F13A1: variants seen among roughly 807,000 people sequenced by gnomAD.
F13A1 encodes coagulation factor XIII A chain.
A neutral mutation model predicts 80.1 loss-of-function variants in F13A1; 47 were observed. That is an observed-to-expected ratio of 0.59 (90% CI 0.46 to 0.75). The LOEUF is 0.75. Ranked by LOEUF, F13A1 falls within the 30% of genes least tolerant of loss-of-function variation. F13A1 has a pLI of 0.00. For missense variants in F13A1, 817 were observed against 930.4 expected (o/e 0.88, Z 1.59); for synonymous variants, 349 against 344.9 (o/e 1.01, Z -0.13).
chr6:6,179,861 G>A (rs879444748), intron 11 of F13A1, among the ~76,000 whole-genome samples: 6 of 152,124 alleles, frequency 3.9e-5, no homozygotes, highest in Non-Finnish European at 8.8e-5. Context: ...ATGCAGTGCG[G>A]ACACATTTTG....
intron 3 of F13A1, among the ~76,000 whole-genome samples, chr6:6,282,300 A>G (rs1012818787): frequency 6.6e-6 from 1 of 152,190 alleles, no homozygotes; most frequent in African/African-American, 2.4e-5. Flanking sequence ...GTAACAGACT[A>G]TGAGGAAGTA....
At chr6:6,205,257 G>A (rs3778352) in intron 8 of F13A1, among the ~76,000 whole-genome samples, 143 of 152,342 alleles carry the variant, frequency 9.4e-4, no homozygotes, top group East Asian at 3.1e-3. Flanking sequence ...TGCAGATGGC[G>A]GGGTGCACTT....
At chr6:6,211,942 C>T (rs1270353032) in intron 8 of F13A1, among the ~76,000 whole-genome samples, 2 of 152,234 alleles carry the variant, frequency 1.3e-5, no homozygotes, top group South Asian at 2.1e-4. Context: ...AATCGGGTCA[C>T]TCCCACCCAA....
chr6:6,303,402 C>T (rs1758464045), intron 3 of F13A1, among the ~76,000 whole-genome samples: 1 of 152,092 alleles, frequency 6.6e-6, no homozygotes, highest in Non-Finnish European at 1.5e-5. Context: ...TAAAAATTGA[C>T]AATCATAATT....
At chr6:6,257,185 G>A (rs1561670330) in intron 4 of F13A1, among the ~76,000 whole-genome samples, 1 of 152,174 alleles carries the variant, frequency 6.6e-6, no homozygotes, top group Non-Finnish European at 1.5e-5. Flanking sequence ...GATCTGCAGA[G>A]CAAATGTGAC....
intron 4 of F13A1, among the ~76,000 whole-genome samples, chr6:6,263,508 CTTAA>C (rs2090462132): frequency 6.6e-6 from 1 of 152,142 alleles, no homozygotes; most frequent in African/African-American, 2.4e-5. Flanking sequence ...TGTCTCAACT[CTTAA>C]TTGTTAATGA....
chr6:6,241,039 T>C (rs974370987), intron 6 of F13A1, among the ~76,000 whole-genome samples: 5 of 152,206 alleles, frequency 3.3e-5, no homozygotes, highest in African/African-American at 9.6e-5. Flanking sequence ...TACTAATTGA[T>C]ATGCGTTACA....
At chr6:6,153,279 G>A (rs139299565) in intron 13 of F13A1, among the ~76,000 whole-genome samples, 18 of 152,312 alleles carry the variant, frequency 1.2e-4, no homozygotes, top group Non-Finnish European at 2.2e-4. Context: ...GACGTAAAGA[G>A]GAAGGACATT....
chr6:6,209,643 A>G (rs1007874075), intron 8 of F13A1, among the ~76,000 whole-genome samples: 8 of 152,264 alleles, frequency 5.3e-5, no homozygotes, highest in African/African-American at 1.9e-4. Context: ...GTTTATCCAC[A>G]CAATGAAATA....
At position 6,267,557 on chromosome 6, in the gene F13A1, G is replaced by A. The variant is rs555726807; in HGVS notation, c.320-748C>T. Among the ~76,000 whole-genome samples the A allele has an allele frequency of 5.0e-4, 76 of 152,220 alleles. No individual in the cohort carries two copies. The South Asian group carries it at 5.2e-3, about 10-fold the overall frequency. On this transcript the variant is annotated intron_variant, in intron 3 of 14. Coordinates refer to ENST00000264870, the MANE Select transcript of F13A1 (RefSeq NM_000129.4). ...TTTCTCTGGAACCCCTTTCACTGTT[G>A]ACGTGTAGACATCAAAGGCAATCTT...
chr6:6,304,229 T>C (rs1165885258), intron 3 of F13A1, among the ~76,000 whole-genome samples: 1 of 152,074 alleles, frequency 6.6e-6, no homozygotes, highest in Non-Finnish European at 1.5e-5. Flanking sequence ...GTGTTTTTTT[T>C]CTAAATTTTT....
rs543019546 is a variant in F13A1 at position 6,303,530 on chromosome 6, C to A, written c.319+1821G>T. On this transcript the variant is annotated intron_variant, in intron 3 of 14. Transcript: ENST00000264870. ...ATTAACATATTCATTCCTTCACATA[C>A]CATTTCTTTGTGGTGAGAATATTTA... Among the ~76,000 whole-genome samples the A allele has an allele frequency of 6.6e-5, 10 of 152,214 alleles. No individual in the cohort carries two copies. In the South Asian group the frequency reaches 8.3e-4, roughly 13 times the overall value.
rs200630871 is a variant in F13A1, at chr6:6,219,375, GCTT to G, written c.1112+2655_1112+2657del. Among the ~76,000 whole-genome samples the G allele has an allele frequency of 2.6e-5, 4 of 151,038 alleles. No homozygotes were observed. In the East Asian group the frequency reaches 7.8e-4, roughly 30 times the overall value. Reference sequence around the variant, plus strand: ...CCAGCCCTATGCTCAGGCAGCCCCTGCTTCTTACCAGTGACCAATAATAATTAA... The same window carrying G: ...CCAGCCCTATGCTCAGGCAGCCCCTGCTTACCAGTGACCAATAATAATTAA... On this transcript the variant is annotated intron_variant, in intron 8 of 14. Coordinates refer to ENST00000264870, the MANE Select transcript of F13A1 (RefSeq NM_000129.4).
intron 8 of F13A1, among the ~76,000 whole-genome samples, chr6:6,212,015 C>T (rs1379880061): frequency 6.6e-6 from 1 of 152,256 alleles, no homozygotes; most frequent in Non-Finnish European, 1.5e-5. Flanking sequence ...CCGCACCTGG[C>T]TCGGAGGGTC....
At chr6:6,313,227 C>A (rs955510838) in intron 2 of F13A1, among the ~76,000 whole-genome samples, 7 of 150,962 alleles carry the variant, frequency 4.6e-5, no homozygotes, top group African/African-American at 9.8e-5. Flanking sequence ...GAATTTGCTT[C>A]CCCTGTCCAA....
At chr6:6,197,351 G>T (rs368366068) in intron 8 of F13A1, 25 bp from the exon 9 acceptor site, 1 of 1,603,140 alleles carries the variant, frequency 6.2e-7, no homozygotes, top group Non-Finnish European at 8.5e-7. Flanking sequence ...GCCCAGAAAG[G>T]TTAAACTTCC....
intron 8 of F13A1, among the ~76,000 whole-genome samples, chr6:6,203,303 T>A (rs1583069779): frequency 6.6e-6 from 1 of 152,184 alleles, no homozygotes; most frequent in East Asian, 1.9e-4. Context: ...CAGAACAGGC[T>A]AGTACTCCTG....
intron 6 of F13A1, among the ~76,000 whole-genome samples, chr6:6,226,938 C>T (rs1183275844): frequency 6.6e-6 from 1 of 151,442 alleles, no homozygotes; most frequent in Non-Finnish European, 1.5e-5. Flanking sequence ...TGCTGGGGGG[C>T]CTAATAGAGG....
At chr6:6,196,010 G>A in intron 9 of F13A1, 125 bp from the exon 10 acceptor site, 1 of 901,632 alleles carries the variant, frequency 1.1e-6, no homozygotes, top group South Asian at 1.4e-5. Flanking sequence ...TGCTGATTTA[G>A]CCCAGATGCT....
Sources: gnomAD v4.1 joint callset for allele counts (sites outside exome capture counted in the v4.1 genomes callset) on GRCh38, gnomAD v4.1.1 for gene constraint, MANE v1.5 for transcripts, NCBI Gene and HGNC (gene_info 2026-07-23, HGNC 2026-07-21) for gene names.